The following PNLIPRP3 variants were observed in gnomAD, a reference collection of about 807,000 sequenced individuals.
The protein encoded by PNLIPRP3 is pancreatic lipase-related protein 3.
A neutral mutation model predicts 52.8 loss-of-function variants in PNLIPRP3; 58 were observed. The observed-to-expected ratio is 1.10, with a 90% CI of 0.89 to 1.37. The LOEUF (loss-of-function observed/expected upper bound fraction) is 1.37, where lower values mean the gene tolerates loss of function less well. Ranked by LOEUF, PNLIPRP3 falls within the 40% of genes most tolerant of loss-of-function variation. The pLI is 0.00. For synonymous variants in PNLIPRP3, 192 were observed against 185.0 expected (o/e 1.04, Z -0.31); for missense variants, 593 against 561.6 (o/e 1.06, Z -0.57).
chr10:116,468,015 C>T (rs1054566527), intron 8 of PNLIPRP3, among the ~76,000 whole-genome samples: 1 of 149,420 alleles, frequency 6.7e-6, no homozygotes, highest in African/African-American at 2.5e-5. Flanking sequence ...GTCCTAGCTA[C>T]TCGGGAGGCT....
At chr10:116,469,414 T>G in intron 9 of PNLIPRP3, 97 bp downstream of exon 9, 1 of 1,237,932 alleles carries the variant, frequency 8.1e-7, no homozygotes, top group South Asian at 1.7e-5. Context: ...AACTGGGCAT[T>G]AGGCCAGACT....
chr10:116,474,131 A>G (rs1846420892), intron 10 of PNLIPRP3, among the ~76,000 whole-genome samples: 1 of 152,122 alleles, frequency 6.6e-6, no homozygotes, highest in Admixed American at 6.5e-5. Flanking sequence ...GAGAATCCAG[A>G]AATAAGGCCG....
intron 8 of PNLIPRP3, 109 bp from the exon 9 acceptor site, chr10:116,469,076 C>A: frequency 8.7e-7 from 1 of 1,150,066 alleles, no homozygotes; most frequent in Non-Finnish European, 1.2e-6. Context: ...AATGCATATC[C>A]TTTATTTAGA....
At chr10:116,443,799 GTGCATATATATATATATATA>G (rs780204723) in intron 3 of PNLIPRP3, among the ~76,000 whole-genome samples, 815 of 7,686 alleles carry the variant, frequency 0.11, 17 homozygotes, top group Non-Finnish European at 0.41. Context: ...GTATGTGTGT[GTGCATATATATATATATATA>G]TATATATATA....
intron 5 of PNLIPRP3, among the ~76,000 whole-genome samples, chr10:116,458,981 C>A (rs546152184): frequency 2.0e-5 from 3 of 152,228 alleles, no homozygotes; most frequent in African/African-American, 4.8e-5. Flanking sequence ...TCACTAGTGG[C>A]TTTTTGTGGA....
At chr10:116,450,543 G>C (rs1267689454) in intron 4 of PNLIPRP3, among the ~76,000 whole-genome samples, 1 of 151,892 alleles carries the variant, frequency 6.6e-6, no homozygotes, top group African/African-American at 2.4e-5. Flanking sequence ...TTGAAAAGAT[G>C]AACAACATTT....
chr10:116,443,509 T>A (rs956195918), intron 3 of PNLIPRP3, among the ~76,000 whole-genome samples: 1 of 151,266 alleles, frequency 6.6e-6, no homozygotes, highest in Non-Finnish European at 1.5e-5. Context: ...ATACTTAAGA[T>A]TAATAGACTG....
intron 4 of PNLIPRP3, among the ~76,000 whole-genome samples, chr10:116,451,120 G>A (rs1341405188): frequency 1.3e-5 from 2 of 152,154 alleles, no homozygotes; most frequent in Non-Finnish European, 2.9e-5. Context: ...GGAAACTCAT[G>A]TATGTATGGT....
chr10:116,452,118 C>T (rs1213086132), intron 4 of PNLIPRP3, among the ~76,000 whole-genome samples: 1 of 152,090 alleles, frequency 6.6e-6, no homozygotes, highest in Non-Finnish European at 1.5e-5. Context: ...CATGTTACAC[C>T]CTACCAAAGT....
intron 4 of PNLIPRP3, among the ~76,000 whole-genome samples, chr10:116,449,850 A>G (rs1232181189): frequency 1.3e-5 from 2 of 152,212 alleles, no homozygotes; most frequent in Admixed American, 6.5e-5. Flanking sequence ...AAGTGAGGTC[A>G]GAACAAAATC....
intron 7 of PNLIPRP3, among the ~76,000 whole-genome samples, chr10:116,463,958 A>G (rs1253435927): frequency 6.6e-6 from 1 of 151,182 alleles, no homozygotes; most frequent in East Asian, 2.0e-4. Flanking sequence ...CCTGGGCACA[A>G]CAAGATAGTG....
At chr10:116,448,360 T>C (rs144982448) in intron 4 of PNLIPRP3, among the ~76,000 whole-genome samples, 45 of 152,308 alleles carry the variant, frequency 3.0e-4, no homozygotes, top group African/African-American at 1.0e-3. Flanking sequence ...TACACTATTA[T>C]ACTATTATAA....
At position 116,476,537 on chromosome 10, in the gene PNLIPRP3, AG is replaced by A. The variant is rs1051864720; in HGVS notation, c.1173-114del. ...ACATGGAAAGAATAAATCTCCTACA[AG>A]CAAATGCTAGCAAATACAAGTTTCT... is the stretch of plus-strand genomic sequence containing the variant. On this transcript the variant is annotated intron_variant, in intron 10 of 11. Transcript: ENST00000369230. 4.7e-5 allele frequency: 36 copies of A among 768,228 alleles called. No individual in the cohort carries two copies. In the African/African-American group the frequency reaches 5.3e-4, roughly 11 times the overall value. 47.6% of individuals were successfully genotyped at this position (768,228 alleles called of 1,614,324 possible). A position where few individuals can be genotyped will look rare whatever the true frequency, so the allele number is the denominator to read the frequency against.
chr10:116,460,678 C>A (rs1410816304), intron 5 of PNLIPRP3, among the ~76,000 whole-genome samples: 1 of 152,020 alleles, frequency 6.6e-6, no homozygotes, highest in African/African-American at 2.4e-5. Flanking sequence ...AATTCATAAC[C>A]TTATTGTATA....
chr10:116,443,803 A>G (rs1422880390), intron 3 of PNLIPRP3, among the ~76,000 whole-genome samples: 506 of 1,686 alleles, frequency 0.3, 6 homozygotes, highest in Admixed American at 0.4. Context: ...GTGTGTGTGC[A>G]TATATATATA....
chr10:116,439,861 T>C (rs1845831860), intron 2 of PNLIPRP3: 1 of 783,408 alleles, frequency 1.3e-6, no homozygotes, highest in Non-Finnish European at 2.4e-6. Context: ...CTTTGCCATT[T>C]CATCAAATTT....
chr10:116,444,164 AC>A (rs1046272412), intron 3 of PNLIPRP3, among the ~76,000 whole-genome samples: 2 of 151,832 alleles, frequency 1.3e-5, no homozygotes, highest in African/African-American at 4.8e-5. Context: ...GGGGGAAACC[AC>A]CCCCATGAAT....
chr10:116,443,801 G>GTATATA (rs1845898955), intron 3 of PNLIPRP3, among the ~76,000 whole-genome samples: 20 of 11,154 alleles, frequency 1.8e-3, no homozygotes, highest in Admixed American at 4.8e-3. Flanking sequence ...ATGTGTGTGT[G>GTATATA]CATATATATA....
intron 4 of PNLIPRP3, among the ~76,000 whole-genome samples, chr10:116,452,304 A>G (rs1028743272): frequency 3.9e-5 from 6 of 152,238 alleles, no homozygotes; most frequent in Non-Finnish European, 7.3e-5. Context: ...TAAAGTTGGA[A>G]CTTATATTTC....
Sources: allele counts gnomAD v4.1 joint callset (sites outside exome capture counted in the v4.1 genomes callset), GRCh38; gene constraint gnomAD v4.1.1; transcripts MANE v1.5; gene names NCBI Gene and HGNC (gene_info 2026-07-23, HGNC 2026-07-21).